The following APPBP2 variants were observed in gnomAD, a reference collection of about 807,000 sequenced individuals.
APPBP2 encodes amyloid protein-binding protein 2.
In APPBP2, 15 loss-of-function variants were observed where a neutral mutation model predicts 76.0. The observed-to-expected ratio is 0.20, with a 90% CI of 0.13 to 0.30. APPBP2 has a LOEUF of 0.30. Among genes scored for constraint, APPBP2 ranks in the 10% least tolerant of loss-of-function variants. The pLI, the probability that APPBP2 is intolerant of heterozygous loss-of-function variation, is 1.00. For missense variants in APPBP2, 401 were observed against 687.2 expected (o/e 0.58, Z 4.66); for synonymous variants, 222 against 242.2 (o/e 0.92, Z 0.77).
At position 60,461,430 on chromosome 17, in the gene APPBP2, A is replaced by G. The variant is rs111835731; in HGVS notation, c.936+380T>C. On this transcript the variant is annotated intron_variant, in intron 8 of 12. Transcript: ENST00000083182. ...ATGCCTTGTCTACAGCAATGGCATAATACATCATTTACCTGAGAATGAGTA... is the reference window on the plus strand; with the variant it reads ...ATGCCTTGTCTACAGCAATGGCATAGTACATCATTTACCTGAGAATGAGTA... 392 of 172,360 alleles carry G rather than the reference A, an allele frequency of 2.3e-3. 1 individual carries two copies. The highest frequency in any genetic ancestry group is 9.1e-3 in the African/African-American group (381 of 42,038). The allele number at this position is 172,360 out of a possible 1,614,324, so 10.7% of individuals were successfully genotyped here. A position where few individuals can be genotyped will look rare whatever the true frequency, so the allele number is the denominator to read the frequency against.
At chr17:60,483,596 TG>T (rs374962802) in intron 3 of APPBP2, among the ~76,000 whole-genome samples, 105 of 152,218 alleles carry the variant, frequency 6.9e-4, no homozygotes, top group African/African-American at 2.3e-3. Flanking sequence ...GGTTTCACCA[TG>T]TTAGCCAGGA....
At chr17:60,520,992 C>A (rs73330243) in intron 1 of APPBP2, among the ~76,000 whole-genome samples, 12,499 of 152,172 alleles carry the variant, frequency 0.082, 1,698 homozygotes, top group African/African-American at 0.28. Flanking sequence ...ACAGGCACGA[C>A]CGCAGCTAGC....
intron 10 of APPBP2, among the ~76,000 whole-genome samples, chr17:60,454,857 G>T (rs553913232): frequency 6.6e-6 from 1 of 152,136 alleles, no homozygotes; most frequent in Non-Finnish European, 1.5e-5. Flanking sequence ...GAGTACCTAA[G>T]CACTTCTGAA....
chr17:60,488,590 C>A (rs1199858798), intron 3 of APPBP2, among the ~76,000 whole-genome samples: 1 of 152,028 alleles, frequency 6.6e-6, no homozygotes, highest in Admixed American at 6.6e-5. Context: ...GTGATGTCTG[C>A]AAAACTCTTC....
At chr17:60,449,714 G>A (rs764554316) in intron 12 of APPBP2, among the ~76,000 whole-genome samples, 6 of 152,054 alleles carry the variant, frequency 3.9e-5, no homozygotes, top group Non-Finnish European at 7.4e-5. Context: ...ATCAGTTTCA[G>A]GATTGTAGAT....
At chr17:60,467,660 G>C (rs1212903252) in intron 4 of APPBP2, among the ~76,000 whole-genome samples, 1 of 152,188 alleles carries the variant, frequency 6.6e-6, no homozygotes, top group African/African-American at 2.4e-5. Flanking sequence ...TAAAAAAGTA[G>C]GGTAATATGA....
chr17:60,449,293 G>GA (rs111765862), intron 12 of APPBP2, among the ~76,000 whole-genome samples: 11,915 of 152,058 alleles, frequency 0.078, 1,581 homozygotes, highest in African/African-American at 0.27. Flanking sequence ...ATAGCAGAGG[G>GA]AAAAAAAGAG....
intron 3 of APPBP2, among the ~76,000 whole-genome samples, chr17:60,480,977 T>C (rs957895298): frequency 1.3e-5 from 2 of 152,148 alleles, no homozygotes; most frequent in African/African-American, 4.8e-5. Flanking sequence ...TCAATACCAG[T>C]TGCAGTTTTC....
chr17:60,516,810 G>GT (rs2090967515), intron 1 of APPBP2, among the ~76,000 whole-genome samples: 1 of 152,172 alleles, frequency 6.6e-6, no homozygotes, highest in Admixed American at 6.6e-5. Flanking sequence ...ATGTATGAGA[G>GT]TTTTTTATTT....
chr17:60,447,876 A>G, intron 12 of APPBP2, 42 bp from the exon 13 acceptor site: 1 of 1,526,504 alleles, frequency 6.6e-7, no homozygotes. Context: ...AAGCACAAAT[A>G]ATGAGATAAC....
chr17:60,474,023 G>C (rs2090571320), intron 4 of APPBP2, among the ~76,000 whole-genome samples: 1 of 152,060 alleles, frequency 6.6e-6, no homozygotes, highest in Non-Finnish European at 1.5e-5. Flanking sequence ...TTCTCCTATG[G>C]CAAGCAGATA....
chr17:60,493,689 G>A (rs917958010), intron 3 of APPBP2, among the ~76,000 whole-genome samples: 1 of 149,054 alleles, frequency 6.7e-6, no homozygotes. Context: ...ACCCAGGCTG[G>A]AGTGCAGTGG....
At chr17:60,476,062 A>G (rs2090588778) in intron 4 of APPBP2, among the ~76,000 whole-genome samples, 1 of 152,204 alleles carries the variant, frequency 6.6e-6, no homozygotes, top group Non-Finnish European at 1.5e-5. Context: ...TTTCTTCCTC[A>G]TAGCTTTCTG....
intron 1 of APPBP2, among the ~76,000 whole-genome samples, chr17:60,519,599 G>A (rs2090991701): frequency 6.6e-6 from 1 of 151,812 alleles, no homozygotes. Flanking sequence ...AGAGTCCAAG[G>A]TTGCAGTGAG....
chr17:60,506,992 C>T (rs543958039), intron 1 of APPBP2, among the ~76,000 whole-genome samples: 2 of 152,194 alleles, frequency 1.3e-5, no homozygotes, highest in East Asian at 3.9e-4. Context: ...GCTGAAATCA[C>T]GCCACTGCAC....
At chr17:60,459,064 C>T (rs927660548) in intron 9 of APPBP2, among the ~76,000 whole-genome samples, 2 of 151,876 alleles carry the variant, frequency 1.3e-5, no homozygotes, top group African/African-American at 4.8e-5. Flanking sequence ...AGCCACTGCG[C>T]CCAGCCAAAA....
intron 5 of APPBP2, 42 bp downstream of exon 5, chr17:60,466,249 G>C (rs781664936): frequency 1.3e-5 from 20 of 1,555,256 alleles, no homozygotes; most frequent in Non-Finnish European, 1.4e-5. Flanking sequence ...TGTTTTTATA[G>C]GTACTTATTG....
At chr17:60,519,694 G>A (rs1204402041) in intron 1 of APPBP2, among the ~76,000 whole-genome samples, 26 of 150,000 alleles carry the variant, frequency 1.7e-4, no homozygotes, top group Admixed American at 1.7e-3. Context: ...TTTCTTTAAA[G>A]AAGAAATTTT....
At chr17:60,524,148 T>G (rs1183717262) in intron 1 of APPBP2, among the ~76,000 whole-genome samples, 1 of 152,252 alleles carries the variant, frequency 6.6e-6, no homozygotes, top group Non-Finnish European at 1.5e-5. Flanking sequence ...CTATTCATAC[T>G]AATAATCTTC....
Sources: gnomAD v4.1 joint callset for allele counts (sites outside exome capture counted in the v4.1 genomes callset) on GRCh38, gnomAD v4.1.1 for gene constraint, MANE v1.5 for transcripts, NCBI Gene and HGNC (gene_info 2026-07-23, HGNC 2026-07-21) for gene names.